The following NAGA variants were observed in gnomAD, a reference collection of about 807,000 sequenced individuals.
The protein encoded by NAGA is alpha-N-acetylgalactosaminidase, also known as Acetylgalactosaminidase, alpha-N- (alpha-galactosidase B).
A neutral mutation model predicts 45.6 loss-of-function variants in NAGA; 42 were observed. That is an observed-to-expected ratio of 0.92 (90% confidence interval 0.72 to 1.19). The LOEUF (loss-of-function observed/expected upper bound fraction) is 1.19, where lower values mean the gene tolerates loss of function less well. NAGA is among the 50% of genes most tolerant of loss of function. The pLI is 0.00. For missense variants in NAGA, 493 were observed against 544.8 expected (o/e 0.90, Z 0.95); for synonymous variants, 176 against 203.1 (o/e 0.87, Z 1.13).
intron 6 of NAGA, among the ~76,000 whole-genome samples, chr22:42,063,878 A>G (rs751766068): frequency 6.6e-6 from 1 of 152,102 alleles, no homozygotes; most frequent in Non-Finnish European, 1.5e-5. Flanking sequence ...ACATAGCAAA[A>G]CCTCATTTCT....
chr22:42,066,632 T>C (rs1926746145), intron 5 of NAGA, 78 bp downstream of exon 5: 31 of 1,372,238 alleles, frequency 2.3e-5, no homozygotes, highest in Non-Finnish European at 2.9e-5. Context: ...GAAGGCCCCG[T>C]CCCTGAAGCC....
intron 7 of NAGA, among the ~76,000 whole-genome samples, chr22:42,061,668 G>C (rs1926401091): frequency 1.3e-5 from 2 of 152,246 alleles, no homozygotes; most frequent in South Asian, 4.1e-4. Context: ...AAGGCAGACA[G>C]GCACAGTGGC....
chr22:42,062,823 G>A lies in NAGA; in HGVS notation c.957+4C>T. The A allele has an allele frequency of 6.2e-7, 1 of 1,613,576 alleles. No homozygotes were observed. The highest frequency in any genetic ancestry group is 8.5e-7 in the Non-Finnish European group (1 of 1,179,550). On this transcript the variant is annotated splice_donor_region_variant and intron_variant, in intron 7 of 8. Coordinates refer to ENST00000396398, the MANE Select transcript of NAGA (RefSeq NM_000262.3). The stretch of plus-strand genomic sequence containing the variant: ...TCCCCTTCCTTCCCTCCACACCCTA[G>A]TACCTTGTGAATCCTGCGTCCCTGG...
At chr22:42,064,547 A>G (rs1309213132) in intron 6 of NAGA, among the ~76,000 whole-genome samples, 1 of 150,450 alleles carries the variant, frequency 6.6e-6, no homozygotes, top group Non-Finnish European at 1.5e-5. Flanking sequence ...CGGGCGGTTG[A>G]GGCAGGAGAA....
chr22:42,070,365 C>T lies in NAGA; in HGVS notation c.-68G>A, dbSNP rs1926982276. 3 of 1,595,206 alleles carry T rather than the reference C, an allele frequency of 1.9e-6. No homozygotes were observed. In the East Asian group the frequency reaches 6.7e-5, roughly 36 times the overall value. ...GCGTGTATCAGCTGTATGTGTTGGG[C>T]TCTGGAAGCTAAGAAACGTCTGAAA... On this transcript the variant is annotated 5_prime_UTR_variant, in exon 1 of 9. Transcript: ENST00000396398.
At chr22:42,065,698 C>T in intron 6 of NAGA, 40 bp downstream of exon 6, 1 of 1,612,324 alleles carries the variant, frequency 6.2e-7, no homozygotes, top group Non-Finnish European at 8.5e-7. Flanking sequence ...AGGGTCGTCA[C>T]AGATGGTGGG....
Position 42,058,382 on chromosome 22 carries a change from A to G in NAGA, c.*1897T>C, listed in dbSNP as rs1346189169. ...GTTACTGGAGCTGGATGCTGGGTAC[A>G]TGGAGGTTCACTCTACCATTTTATT... is the stretch of plus-strand genomic sequence containing the variant. On this transcript the variant is annotated 3_prime_UTR_variant, in exon 9 of 9. Coordinates refer to ENST00000396398, the MANE Select transcript of NAGA (RefSeq NM_000262.3). 7 of 152,254 alleles carry G rather than the reference A, an allele frequency of 4.6e-5. No individual in the cohort carries two copies. The East Asian group carries it at 1.2e-3, about 25-fold the overall frequency. 9.4% of individuals were successfully genotyped at this position (152,254 alleles called of 1,614,324 possible). A position where few individuals can be genotyped will look rare whatever the true frequency, so the allele number is the denominator to read the frequency against.
intron 6 of NAGA, among the ~76,000 whole-genome samples, chr22:42,064,489 A>AAC (rs1323615307): frequency 6.7e-6 from 1 of 148,604 alleles, no homozygotes; most frequent in Non-Finnish European, 1.5e-5. Context: ...AAAAAAAAAA[A>AAC]AAAAAATTAG....
At chr22:42,064,471 T>C (rs1926599894) in intron 6 of NAGA, among the ~76,000 whole-genome samples, 2 of 116,130 alleles carry the variant, frequency 1.7e-5, no homozygotes, top group South Asian at 6.0e-4. Context: ...AAACCCCATC[T>C]CTACTAAAAA....
intron 6 of NAGA, 69 bp downstream of exon 6, chr22:42,065,669 G>A (rs1231332896): frequency 1.3e-6 from 2 of 1,598,604 alleles, no homozygotes; most frequent in Admixed American, 3.3e-5. Flanking sequence ...AAGGAAGAAA[G>A]CACAGGGCAG....
At position 42,066,767 on chromosome 22, in the gene NAGA, G is replaced by A. The variant is rs1247538112; in HGVS notation, c.540C>T (p.Gly180=). The stretch of plus-strand genomic sequence containing the variant: ...AGCTGCAGGAGAAGGCGATGGGGCG[G>A]CCTGTGGCATTCAGGGCAGCAGCCA... ...PKMAAALNAT[G]RPIAFSCSWP... is the part of the protein sequence containing the mutation. Residue 180 remains glycine (G), a synonymous_variant, in exon 5 of 9, where the codon GGC becomes GGT. Transcript: ENST00000396398. 6.2e-7 allele frequency: 1 copy of A among 1,607,064 alleles called. No individual in the cohort carries two copies. Among genetic ancestry groups the A allele is most frequent in the South Asian group, 1.1e-5 (1 of 89,754 alleles).
At chr22:42,061,173 T>C (rs1186378066) in intron 7 of NAGA, 106 bp from the exon 8 acceptor site, 9 of 1,418,076 alleles carry the variant, frequency 6.3e-6, no homozygotes, top group Non-Finnish European at 8.7e-6. Context: ...CACAGCTCCA[T>C]GTCACACAGG....
Position 42,070,679 on chromosome 22 carries a change from A to G in NAGA, c.-382T>C. On this transcript the variant is annotated 5_prime_UTR_variant, in exon 1 of 9. Coordinates refer to ENST00000396398, the MANE Select transcript of NAGA (RefSeq NM_000262.3). ...AGAGCGGAGGGGCGGGGCTGCGGCC[A>G]GGCTCCGGACTTCCAGCCGGGTCCG... The G allele has an allele frequency of 2.8e-6, 1 of 353,236 alleles. No homozygotes were observed. The highest frequency in any genetic ancestry group is 6.6e-5 in the East Asian group (1 of 15,266). 21.9% of individuals were successfully genotyped at this position (353,236 alleles called of 1,614,324 possible).
Position 42,067,930 on chromosome 22 carries a change from C to A in NAGA, c.159G>T (p.Gln53His), listed in dbSNP as rs771304136. The A allele has an allele frequency of 6.2e-7, 1 of 1,613,394 alleles. No homozygotes were observed. The highest frequency in any genetic ancestry group is 8.5e-7 in the Non-Finnish European group (1 of 1,179,942). Residue 53 changes from glutamine (Q) to histidine (H), a missense_variant, in exon 3 of 9, where the codon CAG (glutamine) becomes CAT (histidine). Coordinates refer to ENST00000396398, the MANE Select transcript of NAGA (RefSeq NM_000262.3). ...TCCGGTCAGCCATCTCCATGAAGAG[C>A]TGTTCACTAGTGAGGGGCAGAGGGA... ...DEDPKNCISE[Q>H]LFMEMADRMA... is the part of the protein sequence containing the mutation.
rs781499383 is a variant in NAGA, at chr22:42,065,859, C to T, written c.638G>A (p.Arg213His). Reference sequence around the variant, plus strand: ...GGAGTCCTGGATGTCATCATAGTTACGCCAGAGGTTGCAGATGTCCGCCAG... The same window carrying T: ...GGAGTCCTGGATGTCATCATAGTTATGCCAGAGGTTGCAGATGTCCGCCAG... The part of the protein sequence containing the change: ...SLLADICNLW[R>H]NYDDIQDSWW... Residue 213 changes from arginine (R) to histidine (H), a missense_variant, in exon 6 of 9, where the codon CGT (arginine) becomes CAT (histidine). Coordinates refer to ENST00000396398, the MANE Select transcript of NAGA (RefSeq NM_000262.3). 28 of 1,614,044 alleles carry T rather than the reference C, an allele frequency of 1.7e-5. No individual in the cohort carries two copies. Among genetic ancestry groups the T allele is most frequent in the South Asian group, 9.9e-5 (9 of 91,088 alleles).
At chr22:42,064,049 A>G (rs767447073) in intron 6 of NAGA, among the ~76,000 whole-genome samples, 39 of 150,874 alleles carry the variant, frequency 2.6e-4, no homozygotes, top group Admixed American at 2.1e-3. Context: ...CTCTGACTCA[A>G]AAAACAAAAG....
intron 7 of NAGA, among the ~76,000 whole-genome samples, chr22:42,061,951 CAA>C (rs36076400): frequency 2.1e-4 from 17 of 82,384 alleles, no homozygotes; most frequent in African/African-American, 5.0e-4. Flanking sequence ...GACTCCATCT[CAA>C]AAAAAAAAAA....
chr22:42,064,367 G>A (rs973856292), intron 6 of NAGA, among the ~76,000 whole-genome samples: 16 of 148,642 alleles, frequency 1.1e-4, no homozygotes, highest in African/African-American at 3.7e-4. Flanking sequence ...TAGGCTGGGC[G>A]TGGTGGCTCA....
intron 6 of NAGA, among the ~76,000 whole-genome samples, chr22:42,063,860 C>T (rs1440852819): frequency 6.6e-6 from 1 of 152,208 alleles, no homozygotes; most frequent in Non-Finnish European, 1.5e-5. Context: ...TAGAGACCAT[C>T]CTGGCCAACA....
Sources: allele counts gnomAD v4.1 joint callset (sites outside exome capture counted in the v4.1 genomes callset), GRCh38; gene constraint gnomAD v4.1.1; transcripts MANE v1.5; gene names NCBI Gene and HGNC (gene_info 2026-07-23, HGNC 2026-07-21).